AKAP8: variants seen among roughly 807,000 people sequenced by gnomAD.
AKAP8 encodes A-kinase anchor protein 8.
In AKAP8, 24 loss-of-function variants were observed where a neutral mutation model predicts 67.5. The observed-to-expected ratio is 0.36, with a 90% CI of 0.26 to 0.50. The LOEUF is 0.50. Among genes scored for constraint, AKAP8 ranks in the 20% least tolerant of loss-of-function variants. The pLI is 0.97. For missense variants in AKAP8, 971 were observed against 955.9 expected, an observed-to-expected ratio of 1.02 and a Z score of -0.21; for synonymous variants, 400 against 371.1, an observed-to-expected ratio of 1.08 and a Z score of -0.90.
Position 15,355,238 on chromosome 19 carries a change from C to G in AKAP8, c.1756G>C (p.Val586Leu), listed in dbSNP as rs749235652. Residue 586 changes from valine to leucine, a missense_variant, in exon 14 of 14, where the codon GTG becomes CTG. By Grantham distance (32) the Val-to-Leu change is conservative. Coordinates refer to ENST00000269701, the MANE Select transcript of AKAP8 (RefSeq NM_005858.4). ...DVLAEVITAA[V>L]RAVDGEGAPA... ...GCTCCTTCCCCATCTACGGCCCTCACTGCTGCTGTAATCACCTCTGCTAAG... is the reference window on the plus strand; with the variant it reads ...GCTCCTTCCCCATCTACGGCCCTCAGTGCTGCTGTAATCACCTCTGCTAAG... 2 of 1,611,872 alleles carry G rather than the reference C, an allele frequency of 1.2e-6. No homozygotes were observed. Among genetic ancestry groups the G allele is most frequent in the South Asian group, 1.1e-5 (1 of 91,088 alleles).
intron 9 of AKAP8, among the ~76,000 whole-genome samples, chr19:15,366,461 G>C (rs917113096): frequency 2.7e-5 from 4 of 150,860 alleles, no homozygotes; most frequent in African/African-American, 7.3e-5. Flanking sequence ...TCCTGGCTTC[G>C]TTTTGCTAAG....
In AKAP8 at chr19:15,362,156, C is replaced by A; in HGVS notation, c.1256G>T (p.Arg419Leu). ...GTCGGGCAGCTTGGTGCTTATGAAC[C>A]GCAGGGTCTCTTTGTGAAATTTGCT... is the stretch of plus-strand genomic sequence containing the variant. ...LQSKFHKETLRFISTKLPDKT... is the reference protein window; with the variant it reads ...LQSKFHKETLLFISTKLPDKT... The change falls in exon 10 of 14, where the codon CGG becomes CTG. Residue 419 changes from arginine to leucine, a missense_variant. By Grantham distance (102) the Arg-to-Leu change is moderately radical. Transcript: ENST00000269701. 1 of 1,614,100 alleles carries A rather than the reference C, an allele frequency of 6.2e-7. No individual in the cohort carries two copies. Among genetic ancestry groups the A allele is most frequent in the Non-Finnish European group, 8.5e-7 (1 of 1,180,016 alleles).
intron 13 of AKAP8, 34 bp from the exon 14 acceptor site, chr19:15,355,404 T>C (rs1419164621): frequency 6.3e-7 from 1 of 1,576,260 alleles, no homozygotes; most frequent in African/African-American, 1.3e-5. Context: ...CAGCGTGGTG[T>C]AAGCAGAGCT....
chr19:15,357,106 C>T (rs969629766), intron 13 of AKAP8, among the ~76,000 whole-genome samples: 11 of 152,060 alleles, frequency 7.2e-5, no homozygotes, highest in African/African-American at 2.7e-4. Flanking sequence ...TACAGGTGCC[C>T]GCCACCACGC....
At chr19:15,359,111 A>T in intron 12 of AKAP8, 49 bp from the exon 13 acceptor site, 1 of 1,554,292 alleles carries the variant, frequency 6.4e-7, no homozygotes, top group South Asian at 1.1e-5. Flanking sequence ...AAGATTAAGG[A>T]AGAGAATAAA....
Position 15,360,985 on chromosome 19 carries a change from G to A in AKAP8, c.1397-7C>T. The A allele has an allele frequency of 6.2e-7, 1 of 1,611,926 alleles. No individual in the cohort carries two copies. The highest frequency in any genetic ancestry group is 8.5e-7 in the Non-Finnish European group (1 of 1,179,356). ...AAGTGCTCCTGGCCAATCCCTGCCAGGAAACGCATGTCTTGTAGGATCTGG... is the reference window on the plus strand; with the variant it reads ...AAGTGCTCCTGGCCAATCCCTGCCAAGAAACGCATGTCTTGTAGGATCTGG... On this transcript the variant is annotated splice_polypyrimidine_tract_variant and splice_region_variant and intron_variant, in intron 11 of 13. Transcript: ENST00000269701.
At chr19:15,366,157 A>AG (rs1415620537) in intron 9 of AKAP8, among the ~76,000 whole-genome samples, 9 of 102,626 alleles carry the variant, frequency 8.8e-5, no homozygotes, top group African/African-American at 3.4e-4. Context: ...GCAAAAAGAA[A>AG]AAAAAAAAAA....
At chr19:15,371,376 C>T (rs1379416239) in intron 7 of AKAP8, among the ~76,000 whole-genome samples, 1 of 152,194 alleles carries the variant, frequency 6.6e-6, no homozygotes, top group Non-Finnish European at 1.5e-5. Flanking sequence ...GCAAATGAGC[C>T]TCCAGCCTGT....
chr19:15,356,897 G>T (rs1268188393), intron 13 of AKAP8, among the ~76,000 whole-genome samples: 1 of 152,050 alleles, frequency 6.6e-6, no homozygotes, highest in African/African-American at 2.4e-5. Context: ...TTGGGAGGCG[G>T]AAGCAGGCAG....
At chr19:15,373,593 C>T in intron 4 of AKAP8, 193 bp downstream of exon 4, 1 of 932,306 alleles carries the variant, frequency 1.1e-6, no homozygotes, top group Non-Finnish European at 1.6e-6. Context: ...AACAACCACG[C>T]CCAAGCCCCG....
chr19:15,378,312 T>C (rs1443037119), intron 1 of AKAP8, among the ~76,000 whole-genome samples: 2 of 152,166 alleles, frequency 1.3e-5, no homozygotes, highest in East Asian at 3.8e-4. Context: ...GAGAGACTGC[T>C]TCTCTGTGAA....
chr19:15,368,392 G>A lies in AKAP8; in HGVS notation c.1073-70C>T, dbSNP rs954408778. The A allele has an allele frequency of 5.8e-5, 93 of 1,605,708 alleles. 1 individual carries two copies. Among genetic ancestry groups the A allele is most frequent in the South Asian group, 3.1e-4 (28 of 90,946 alleles). On this transcript the variant is annotated intron_variant, in intron 8 of 13. Transcript: ENST00000269701. ...AGGAGCTGAGCTCCAGGGCCTGGTC[G>A]GGGGGCTGCAGCTTGGCCACCGCAC...
chr19:15,358,807 C>T (rs1966918355), intron 13 of AKAP8, among the ~76,000 whole-genome samples, 160 bp downstream of exon 13: 1 of 152,152 alleles, frequency 6.6e-6, no homozygotes, highest in Admixed American at 6.6e-5. Flanking sequence ...CATTAGAAAT[C>T]CCAGTTGTCA....
In AKAP8 at chr19:15,362,145, T is replaced by C; in HGVS notation, c.1267A>G (p.Thr423Ala). 1 of 1,614,120 alleles carries C rather than the reference T, an allele frequency of 6.2e-7. No individual in the cohort carries two copies. Among genetic ancestry groups the C allele is most frequent in the Non-Finnish European group, 8.5e-7 (1 of 1,179,994 alleles). ...FHKETLRFIS[T>A]KLPDKTVEFL... is the part of the protein sequence containing the mutation. ...TCCACGGTCTTGTCGGGCAGCTTGG[T>C]GCTTATGAACCGCAGGGTCTCTTTG... The change falls in exon 10 of 14, where the codon ACC (threonine) becomes GCC (alanine). Residue 423 changes from threonine to alanine, a missense_variant. Coordinates refer to ENST00000269701, the MANE Select transcript of AKAP8 (RefSeq NM_005858.4).
At chr19:15,366,138 G>GGA (rs1555754971) in intron 9 of AKAP8, among the ~76,000 whole-genome samples, 2 of 74,006 alleles carry the variant, frequency 2.7e-5, no homozygotes, top group Admixed American at 2.1e-4. Flanking sequence ...CATACAAGAT[G>GGA]AAAAAAAAGC....
chr19:15,363,215 C>T (rs1402233555), intron 9 of AKAP8, among the ~76,000 whole-genome samples: 8 of 151,590 alleles, frequency 5.3e-5, no homozygotes, highest in Non-Finnish European at 7.4e-5. Flanking sequence ...CCACCTTGTC[C>T]GGGAGGGAGG....
intron 1 of AKAP8, among the ~76,000 whole-genome samples, chr19:15,377,239 TG>T (rs1304833400): frequency 1.3e-5 from 2 of 152,100 alleles, no homozygotes; most frequent in African/African-American, 4.8e-5. Flanking sequence ...GAAGTGGGCT[TG>T]GAAGTCAGCT....
intron 1 of AKAP8, among the ~76,000 whole-genome samples, chr19:15,378,034 C>G (rs1967283970): frequency 6.6e-6 from 1 of 152,136 alleles, no homozygotes; most frequent in South Asian, 2.1e-4. Context: ...ATCCATGTCT[C>G]CCTCACCAGA....
chr19:15,370,026 C>T (rs1967128319), intron 8 of AKAP8, 120 bp downstream of exon 8: 1 of 1,262,358 alleles, frequency 7.9e-7, no homozygotes, highest in Non-Finnish European at 1.2e-6. Flanking sequence ...GCTGCAGCCC[C>T]TCTTCCCCCA....
Sources: gnomAD v4.1 joint callset for allele counts (sites outside exome capture counted in the v4.1 genomes callset) on GRCh38, gnomAD v4.1.1 for gene constraint, MANE v1.5 for transcripts, NCBI Gene and HGNC (gene_info 2026-07-23, HGNC 2026-07-21) for gene names.